PTPN13: variants seen among roughly 807,000 people sequenced by gnomAD.
The protein encoded by PTPN13 is tyrosine-protein phosphatase non-receptor type 13.
PTPN13 carries 191 observed loss-of-function variants against 284.0 expected under a neutral mutation model. The observed-to-expected ratio is 0.67, with a 90% confidence interval of 0.60 to 0.76. The LOEUF (loss-of-function observed/expected upper bound fraction) is 0.76, where lower values mean the gene tolerates loss of function less well. Ranked by LOEUF, PTPN13 falls within the 30% of genes least tolerant of loss-of-function variation. The pLI, the probability that PTPN13 is intolerant of heterozygous loss-of-function variation, is 0.00. For missense variants in PTPN13, 2,797 were observed against 2,939.9 expected (o/e 0.95, Z 1.12); for synonymous variants, 986 against 1,022.3 (o/e 0.96, Z 0.68).
At chr4:86,803,890 A>C (rs929000028) in intron 43 of PTPN13, 33 bp downstream of exon 43, 4 of 1,602,914 alleles carry the variant, frequency 2.5e-6, no homozygotes, top group Non-Finnish European at 3.4e-6. Context: ...TCTCTCCCAA[A>C]GTGTATGCAT....
chr4:86,657,117 A>G (rs559397891), intron 2 of PTPN13, among the ~76,000 whole-genome samples: 2 of 152,268 alleles, frequency 1.3e-5, no homozygotes, highest in South Asian at 4.1e-4. Context: ...TCCAGGTGCC[A>G]TCTGTCACAG....
intron 46 of PTPN13, 67 bp downstream of exon 46, chr4:86,810,051 ATGTGT>A: frequency 3.1e-6 from 4 of 1,281,648 alleles, no homozygotes; most frequent in Admixed American, 2.2e-5. Context: ...ATTTTTGATA[ATGTGT>A]TGTGATCTTG....
chr4:86,725,437 G>A (rs1042466801), intron 10 of PTPN13, among the ~76,000 whole-genome samples: 3 of 149,494 alleles, frequency 2.0e-5, no homozygotes, highest in African/African-American at 7.3e-5. Context: ...CCCACCAACA[G>A]TGTAAAAGCG....
At chr4:86,685,162 A>G (rs959968416) in intron 3 of PTPN13, among the ~76,000 whole-genome samples, 1 of 152,212 alleles carries the variant, frequency 6.6e-6, no homozygotes, top group African/African-American at 2.4e-5. Flanking sequence ...CAGCATAAAA[A>G]TATGTTGAGT....
chr4:86,808,628 T>A (rs1250885846), intron 45 of PTPN13, among the ~76,000 whole-genome samples: 1 of 152,206 alleles, frequency 6.6e-6, no homozygotes, highest in Non-Finnish European at 1.5e-5. Context: ...CTCATAATTT[T>A]TGATTCATGA....
intron 10 of PTPN13, among the ~76,000 whole-genome samples, chr4:86,724,252 A>G (rs181841909): frequency 1.3e-5 from 2 of 152,312 alleles, no homozygotes; most frequent in Admixed American, 6.5e-5. Context: ...TCATCAATTC[A>G]TTATTACCAA....
chr4:86,604,144 A>G (rs1764549335), intron 1 of PTPN13, among the ~76,000 whole-genome samples: 1 of 152,046 alleles, frequency 6.6e-6, no homozygotes, highest in African/African-American at 2.4e-5. Context: ...GTATAATAGA[A>G]AGAGCAAACA....
At chr4:86,810,599 C>T (rs1467838961) in intron 46 of PTPN13, among the ~76,000 whole-genome samples, 1 of 152,196 alleles carries the variant, frequency 6.6e-6, no homozygotes, top group African/African-American at 2.4e-5. Context: ...GCACTTTACA[C>T]ACTAGCTGTA....
chr4:86,752,226 GT>G (rs1227932140), intron 19 of PTPN13, among the ~76,000 whole-genome samples: 2 of 152,024 alleles, frequency 1.3e-5, no homozygotes, highest in African/African-American at 4.8e-5. Flanking sequence ...TAGGCTCAAG[GT>G]TTGTTAATTT....
In PTPN13 at chr4:86,734,402, A is replaced by T; in HGVS notation, c.1958A>T (p.Asn653Ile). 1 of 1,560,028 alleles carries T rather than the reference A, an allele frequency of 6.4e-7. No homozygotes were observed. Among genetic ancestry groups the T allele is most frequent in the Non-Finnish European group, 8.7e-7 (1 of 1,150,122 alleles). ...AAGAAAAAGACCAAAGCCACTGTTA[A>T]TTTTACTTTGTTTTTCAGAATTAAA... is the stretch of plus-strand genomic sequence containing the variant. ...EPKKKTKATV[N>I]FTLFFRIKFF... is the part of the protein sequence containing the mutation. The change falls in exon 13 of 48, where the codon AAT becomes ATT. Residue 653 changes from asparagine to isoleucine, a missense_variant. By Grantham distance (149) the Asn-to-Ile change is moderately radical. Coordinates refer to ENST00000411767, the MANE Select transcript of PTPN13 (RefSeq NM_080683.3).
In PTPN13 at chr4:86,745,238, A is replaced by G. The variant is rs1736606762; in HGVS notation, c.2650+110A>G. On this transcript the variant is annotated intron_variant, in intron 17 of 47. Coordinates refer to ENST00000411767, the MANE Select transcript of PTPN13 (RefSeq NM_080683.3). ...GGATGAAAACTTACAATGTATATAC[A>G]TGTTAAATAGCTAAATCAAGTCTAT... 7 of 999,720 alleles carry G rather than the reference A, an allele frequency of 7.0e-6. No homozygotes were observed. The East Asian group carries it at 1.0e-4, about 15-fold the overall frequency. 61.9% of individuals were successfully genotyped at this position (999,720 alleles called of 1,614,324 possible).
At chr4:86,661,749 C>T (rs941853804) in intron 2 of PTPN13, among the ~76,000 whole-genome samples, 2 of 152,178 alleles carry the variant, frequency 1.3e-5, no homozygotes, top group Non-Finnish European at 2.9e-5. Flanking sequence ...ATACACTATT[C>T]CTCATTGACC....
Position 86,775,251 on chromosome 4 carries a change from A to G in PTPN13, c.5589A>G (p.Leu1863=). 4.3e-6 allele frequency: 7 copies of G among 1,613,472 alleles called. No individual in the cohort carries two copies. The highest frequency in any genetic ancestry group is 5.9e-6 in the Non-Finnish European group (7 of 1,179,424). ...GGGCTGCATCCAAAACAGTCAGATTAGTTATTGGACGAGTTCTAGAATTAC... is the reference window on the plus strand; with the variant it reads ...GGGCTGCATCCAAAACAGTCAGATTGGTTATTGGACGAGTTCTAGAATTAC... ...LLRAASKTVR[L]VIGRVLELPR... The change falls in exon 34 of 48, where the codon TTA becomes TTG. Residue 1863 remains leucine (L), a synonymous_variant. Coordinates refer to ENST00000411767, the MANE Select transcript of PTPN13 (RefSeq NM_080683.3).
chr4:86,701,985 C>T (rs1578446939), intron 7 of PTPN13, among the ~76,000 whole-genome samples, 184 bp downstream of exon 7: 1 of 152,256 alleles, frequency 6.6e-6, no homozygotes, highest in Non-Finnish European at 1.5e-5. Context: ...AATTGAAATA[C>T]TCTGCTTCCA....
intron 10 of PTPN13, among the ~76,000 whole-genome samples, chr4:86,727,537 C>A (rs1158296833): frequency 1.3e-5 from 2 of 149,276 alleles, no homozygotes; most frequent in East Asian, 3.9e-4. Flanking sequence ...ATGGTTTAGT[C>A]TTGGGAGGGT....
intron 15 of PTPN13, among the ~76,000 whole-genome samples, chr4:86,740,784 C>A (rs1736090190): frequency 6.6e-6 from 1 of 152,122 alleles, no homozygotes; most frequent in South Asian, 2.1e-4. Flanking sequence ...CCTTTAACAG[C>A]ACCCAAGTCA....
chr4:86,814,352 T>A (rs1313269828), intron 47 of PTPN13, 104 bp from the exon 48 acceptor site: 5 of 812,542 alleles, frequency 6.2e-6, no homozygotes, highest in Non-Finnish European at 9.2e-6. Flanking sequence ...TTTTCCATAT[T>A]TTCAAAACTC....
chr4:86,693,203 A>G (rs961781493), intron 5 of PTPN13, among the ~76,000 whole-genome samples: 1 of 152,088 alleles, frequency 6.6e-6, no homozygotes, highest in Non-Finnish European at 1.5e-5. Context: ...AAGCTTTATT[A>G]TACCAAAATT....
In PTPN13 at chr4:86,774,875, A is replaced by G. The variant is rs113610141; in HGVS notation, c.5509-296A>G. 1.2e-3 allele frequency among the ~76,000 whole-genome samples: 188 copies of G among 152,180 alleles called. 2 individuals carry two copies. Among genetic ancestry groups the G allele is most frequent in the African/African-American group, 4.2e-3 (173 of 41,560 alleles). On this transcript the variant is annotated intron_variant, in intron 33 of 47. Transcript: ENST00000411767. Reference sequence around the variant, plus strand: ...ATCTCAGTAAGGCATAAAACAAGCTATCTTAGGTCTCAAGGACAGAAAGTT... The same window carrying G: ...ATCTCAGTAAGGCATAAAACAAGCTGTCTTAGGTCTCAAGGACAGAAAGTT...
Sources: allele counts gnomAD v4.1 joint callset (sites outside exome capture counted in the v4.1 genomes callset), GRCh38; gene constraint gnomAD v4.1.1; transcripts MANE v1.5; gene names NCBI Gene and HGNC (gene_info 2026-07-23, HGNC 2026-07-21).